Variants in C1orf216 observed in about 807,000 individuals in gnomAD.
C1orf216 encodes the protein chromosome 1 open reading frame 216.
C1orf216 carries 18 observed loss-of-function variants against 16.4 expected under a neutral mutation model. The observed-to-expected ratio is 1.10, with a 90% CI of 0.76 to 1.63. C1orf216 has a LOEUF of 1.63. Ranked by LOEUF, C1orf216 falls within the 40% of genes most tolerant of loss-of-function variation. C1orf216 has a pLI of 0.00. For missense variants in C1orf216, 271 were observed against 297.6 expected (o/e 0.91, Z 0.66); for synonymous variants, 115 against 116.9 (o/e 0.98, Z 0.11).
Position 35,714,601 on chromosome 1 carries a change from G to A in C1orf216, c.*1031C>T, listed in dbSNP as rs918108583. The A allele has an allele frequency of 6.6e-6, 1 of 152,218 alleles. No homozygotes were observed. The highest frequency in any genetic ancestry group is 6.5e-5 in the Admixed American group (1 of 15,282). The allele number at this position is 152,218 out of a possible 1,614,324, so 9.4% of individuals were successfully genotyped here. A position where few individuals can be genotyped will look rare whatever the true frequency, so the allele number is the denominator to read the frequency against. ...TTGCAACAGCTCCTTTTCCAATGGA[G>A]AGATGGTTTGTTTGGGAACTGGTAT... On this transcript the variant is annotated 3_prime_UTR_variant, in exon 2 of 2. Coordinates refer to ENST00000270815, the MANE Select transcript of C1orf216 (RefSeq NM_152374.2).
intron 1 of C1orf216, chr1:35,716,689 T>C (rs1571175621): frequency 7.7e-6 from 2 of 259,834 alleles, no homozygotes; most frequent in South Asian, 4.9e-5. Context: ...CAACCAACCA[T>C]AGTCTCCTCA....
chr1:35,715,772 T>A lies in C1orf216; in HGVS notation c.550A>T (p.Ile184Phe). The A allele has an allele frequency of 6.2e-7, 1 of 1,614,196 alleles. No individual in the cohort carries two copies. ...MYRRLALLQWIRGLQHQLIDQ... is the reference protein window; with the variant it reads ...MYRRLALLQWFRGLQHQLIDQ... ...ATCAACTGATGCTGCAGGCCCCGGA[T>A]CCACTGGAGCAGTGCCAGGCGACGG... The change falls in exon 2 of 2, where the codon ATC (isoleucine) becomes TTC (phenylalanine). Residue 184 changes from isoleucine (I) to phenylalanine (F), a missense_variant. Transcript: ENST00000270815. This position sits in a 1 kb window ranked among gnomAD's most constrained non-coding sequence, Gnocchi z 4.3.
rs755846626 is a variant in C1orf216 at position 35,716,615 on chromosome 1, A to G, written c.-5-289T>C. The G allele has an allele frequency of 1.8e-4, 76 of 432,802 alleles. 1 individual carries two copies. The highest frequency in any genetic ancestry group is 2.9e-4 in the Non-Finnish European group (70 of 239,144). The allele number at this position is 432,802 out of a possible 1,614,324, so 26.8% of individuals were successfully genotyped here. A position where few individuals can be genotyped will look rare whatever the true frequency, so the allele number is the denominator to read the frequency against. ...CTCATTCTCTGCTGTAGCTTCAAAG[A>G]CCATCATATGCTGGTGACTCTCAGA... is the stretch of plus-strand genomic sequence containing the variant. On this transcript the variant is annotated intron_variant, in intron 1 of 1. Coordinates refer to ENST00000270815, the MANE Select transcript of C1orf216 (RefSeq NM_152374.2).
chr1:35,716,067 T>TGGGGGGCTGCGCACCCCTTCCTCA lies in C1orf216; in HGVS notation c.231_254dup (p.Glu79_Glu86dup). 6.2e-7 allele frequency: 1 copy of TGGGGGGCTGCGCACCCCTTCCTCA among 1,614,104 alleles called. No individual in the cohort carries two copies. The highest frequency in any genetic ancestry group is 1.1e-5 in the South Asian group (1 of 91,092). On this transcript the variant is annotated inframe_insertion, in exon 2 of 2. Transcript: ENST00000270815. ...CAGCCCCGGGAATCTCTGCCCCCTC[T>TGGGGGGCTGCGCACCCCTTCCTCA]GGGGGGCTGCGCACCCCTTCCTCAG...
chr1:35,717,649 C>A (rs1172717654), intron 1 of C1orf216, among the ~76,000 whole-genome samples: 1 of 152,200 alleles, frequency 6.6e-6, no homozygotes, highest in African/African-American at 2.4e-5. Flanking sequence ...ACTGTCTTAT[C>A]CAACTTTGCA....
In C1orf216 at chr1:35,716,113, G is replaced by C. The variant is rs767679074; in HGVS notation, c.209C>G (p.Ala70Gly). 1.2e-6 allele frequency: 2 copies of C among 1,614,182 alleles called. No individual in the cohort carries two copies. The highest frequency in any genetic ancestry group is 1.7e-6 in the Non-Finnish European group (2 of 1,180,012). Residue 70 changes from alanine (A) to glycine (G), a missense_variant, in exon 2 of 2, where the codon GCC becomes GGC. Coordinates refer to ENST00000270815, the MANE Select transcript of C1orf216 (RefSeq NM_152374.2). The stretch of plus-strand genomic sequence containing the variant: ...CTCAGGGGATCCAGGGGCCTGGAAG[G>C]CTTGGTTGTCAGAGGGTGACTCAGA... The part of the protein sequence containing the change: ...SSSESPSDNQ[A>G]FQAPGSPEEG...
rs1025868857 is a variant in C1orf216 at position 35,714,650 on chromosome 1, C to T, written c.*982G>A. 7 of 152,264 alleles carry T rather than the reference C, an allele frequency of 4.6e-5. No individual in the cohort carries two copies. Among genetic ancestry groups the T allele is most frequent in the African/African-American group, 1.7e-4 (7 of 41,456 alleles). 9.4% of individuals were successfully genotyped at this position (152,264 alleles called of 1,614,324 possible). A position where few individuals can be genotyped will look rare whatever the true frequency, so the allele number is the denominator to read the frequency against. On this transcript the variant is annotated 3_prime_UTR_variant, in exon 2 of 2. Transcript: ENST00000270815. ...ATTTTAGAATTCCCATTCTCCTATT[C>T]TTCACAGGGTTCCACTGTTATCATC...
Position 35,715,379 on chromosome 1 carries a change from CAT to C in C1orf216, c.*251_*252del, listed in dbSNP as rs1231102301. 12 of 538,826 alleles carry C rather than the reference CAT, an allele frequency of 2.2e-5. No homozygotes were observed. The highest frequency in any genetic ancestry group is 3.6e-5 in the Non-Finnish European group (11 of 301,486). The allele number at this position is 538,826 out of a possible 1,614,324, so 33.4% of individuals were successfully genotyped here. A position where few individuals can be genotyped will look rare whatever the true frequency, so the allele number is the denominator to read the frequency against. ...CATTCTTACATACTACACACACACA[CAT>C]ATGTTCACTCTTACATGCTCACATA... On this transcript the variant is annotated 3_prime_UTR_variant, in exon 2 of 2. Coordinates refer to ENST00000270815, the MANE Select transcript of C1orf216 (RefSeq NM_152374.2). This position sits in a 1 kb window ranked among gnomAD's most constrained non-coding sequence, Gnocchi z 4.3.
intron 1 of C1orf216, 37 bp from the exon 2 acceptor site, chr1:35,716,363 A>T (rs758746821): frequency 6.5e-7 from 1 of 1,547,538 alleles, no homozygotes; most frequent in Non-Finnish European, 8.7e-7. Context: ...TCACAGTAGG[A>T]CAGGGTGGGG....
At chr1:35,717,205 C>T (rs1024320763) in intron 1 of C1orf216, among the ~76,000 whole-genome samples, 4 of 152,204 alleles carry the variant, frequency 2.6e-5, no homozygotes, top group Admixed American at 2.6e-4. Context: ...TCGGCCTTTT[C>T]ACTGATCTCT....
In C1orf216 at chr1:35,716,100, A is replaced by G. The variant is rs759873888; in HGVS notation, c.222T>C (p.Pro74=). The G allele has an allele frequency of 7.4e-6, 12 of 1,614,104 alleles. No homozygotes were observed. Among genetic ancestry groups the G allele is most frequent in the Non-Finnish European group, 1.0e-5 (12 of 1,179,994 alleles). ...TGCGCACCCCTTCCTCAGGGGATCC[A>G]GGGGCCTGGAAGGCTTGGTTGTCAG... ...SPSDNQAFQA[P]GSPEEGVRSP... The change falls in exon 2 of 2, where the codon CCT becomes CCC. Residue 74 remains proline, a synonymous_variant. Coordinates refer to ENST00000270815, the MANE Select transcript of C1orf216 (RefSeq NM_152374.2).
intron 1 of C1orf216, 37 bp from the exon 2 acceptor site, chr1:35,716,363 A>G (rs758746821): frequency 3.9e-6 from 6 of 1,547,420 alleles, no homozygotes; most frequent in Admixed American, 1.9e-5. Context: ...TCACAGTAGG[A>G]CAGGGTGGGG....
Position 35,716,220 on chromosome 1 carries a change from G to C in C1orf216, c.102C>G (p.Asn34Lys). The change falls in exon 2 of 2, where the codon AAC becomes AAG. Residue 34 changes from asparagine to lysine, a missense_variant. Asn to Lys is a moderately conservative substitution (Grantham distance 94). Coordinates refer to ENST00000270815, the MANE Select transcript of C1orf216 (RefSeq NM_152374.2). The part of the protein sequence containing the change: ...QPELQPDSNS[N>K]FMASAKDANE... ...TAGCATCCTTGGCACTTGCCATGAA[G>C]TTGGAGTTGCTGTCTGGTTGGAGCT... is the stretch of plus-strand genomic sequence containing the variant. The C allele has an allele frequency of 6.2e-7, 1 of 1,614,276 alleles. No homozygotes were observed.
rs1640948769 is a variant in C1orf216, at chr1:35,715,964, T to C, written c.358A>G (p.Ile120Val). 1.2e-6 allele frequency: 2 copies of C among 1,614,100 alleles called. No individual in the cohort carries two copies. Among genetic ancestry groups the C allele is most frequent in the African/African-American group, 1.3e-5 (1 of 75,054 alleles). The change falls in exon 2 of 2, where the codon ATT becomes GTT. Residue 120 changes from isoleucine (I) to valine (V), a missense_variant. Transcript: ENST00000270815. This position sits in a 1 kb window ranked among gnomAD's most constrained non-coding sequence, Gnocchi z 4.3. ...DNGYASSSLSIDSRSSSPEPA... is the reference protein window; with the variant it reads ...DNGYASSSLSVDSRSSSPEPA... ...TCAGGACTGCTGCTACGGCTGTCAA[T>C]GCTCAGGGAACTGCTGGCATAGCCG...
Position 35,715,874 on chromosome 1 carries a change from C to A in C1orf216, c.448G>T (p.Ala150Ser), listed in dbSNP as rs780065076. The A allele has an allele frequency of 6.2e-7, 1 of 1,614,262 alleles. No homozygotes were observed. The highest frequency in any genetic ancestry group is 8.5e-7 in the Non-Finnish European group (1 of 1,180,042). ...PDPLLPSVAQ[A>S]VQHLQVQERY... is the part of the protein sequence containing the mutation. ...TCCTGGACTTGTAAGTGCTGCACAG[C>A]CTGGGCCACTGAGGGCAGAAGGGGA... The change falls in exon 2 of 2, where the codon GCT (alanine) becomes TCT (serine). Residue 150 changes from alanine (A) to serine (S), a missense_variant. This residue lies in a region of C1orf216 where 220 missense variants were observed against 227.8 expected (regional missense o/e 0.97). Coordinates refer to ENST00000270815, the MANE Select transcript of C1orf216 (RefSeq NM_152374.2). This position sits in a 1 kb window ranked among gnomAD's most constrained non-coding sequence, Gnocchi z 4.3.
Position 35,715,012 on chromosome 1 carries a change from G to C in C1orf216, c.*620C>G, listed in dbSNP as rs1640927935. 6.5e-6 allele frequency: 1 copy of C among 153,274 alleles called. No homozygotes were observed. Among genetic ancestry groups the C allele is most frequent in the African/African-American group, 2.4e-5 (1 of 41,594 alleles). 9.5% of individuals were successfully genotyped at this position (153,274 alleles called of 1,614,324 possible). On this transcript the variant is annotated 3_prime_UTR_variant, in exon 2 of 2. Coordinates refer to ENST00000270815, the MANE Select transcript of C1orf216 (RefSeq NM_152374.2). This position sits in a 1 kb window ranked among gnomAD's most constrained non-coding sequence, Gnocchi z 4.3. ...ATAAATGACAGCATGCTAGCCCTCT[G>C]TCTCCAGGGAACAGTGGGACCCAGT... is the stretch of plus-strand genomic sequence containing the variant.
chr1:35,717,214 C>T (rs528676285), intron 1 of C1orf216, among the ~76,000 whole-genome samples: 1 of 152,218 alleles, frequency 6.6e-6, no homozygotes, highest in East Asian at 1.9e-4. Flanking sequence ...TCACTGATCT[C>T]TCTGCCTCCA....
Position 35,716,232 on chromosome 1 carries a change from G to C in C1orf216, c.90C>G (p.Asp30Glu). Residue 30 changes from aspartate to glutamate, a missense_variant, in exon 2 of 2, where the codon GAC becomes GAG. Transcript: ENST00000270815. ...CACTTGCCATGAAGTTGGAGTTGCT[G>C]TCTGGTTGGAGCTCGGGCTGACATA... ...PGLCQPELQPDSNSNFMASAK... is the reference protein window; with the variant it reads ...PGLCQPELQPESNSNFMASAK... 1 of 1,614,270 alleles carries C rather than the reference G, an allele frequency of 6.2e-7. No individual in the cohort carries two copies. The highest frequency in any genetic ancestry group is 8.5e-7 in the Non-Finnish European group (1 of 1,180,044).
chr1:35,715,405 T>G lies in C1orf216; in HGVS notation c.*227A>C. Reference sequence around the variant, plus strand: ...ATATGTTCACTCTTACATGCTCACATATAGGTCTGCAGATAAATTAGCTGT... The same window carrying G: ...ATATGTTCACTCTTACATGCTCACAGATAGGTCTGCAGATAAATTAGCTGT... On this transcript the variant is annotated 3_prime_UTR_variant, in exon 2 of 2. Coordinates refer to ENST00000270815, the MANE Select transcript of C1orf216 (RefSeq NM_152374.2). This position sits in a 1 kb window ranked among gnomAD's most constrained non-coding sequence, Gnocchi z 4.3. The G allele has an allele frequency of 6.9e-6, 4 of 576,196 alleles. No individual in the cohort carries two copies. The highest frequency in any genetic ancestry group is 1.2e-5 in the Non-Finnish European group (4 of 325,062). 35.7% of individuals were successfully genotyped at this position (576,196 alleles called of 1,614,324 possible). A position where few individuals can be genotyped will look rare whatever the true frequency, so the allele number is the denominator to read the frequency against.
Sources: allele counts gnomAD v4.1 joint callset (sites outside exome capture counted in the v4.1 genomes callset), GRCh38; gene constraint gnomAD v4.1.1; regional missense constraint gnomAD v4.1.1; non-coding constraint Gnocchi (gnomAD v3.1); transcripts MANE v1.5; gene names NCBI Gene and HGNC (gene_info 2026-07-23, HGNC 2026-07-21).